ANKRD28: variants seen among roughly 807,000 people sequenced by gnomAD.
ANKRD28 encodes the protein serine/threonine-protein phosphatase 6 regulatory ankyrin repeat subunit A.
Under a neutral mutation model 126.5 loss-of-function variants are expected in ANKRD28, and 44 were observed. The observed-to-expected ratio is 0.35, with a 90% CI of 0.27 to 0.45. The LOEUF (loss-of-function observed/expected upper bound fraction) is 0.45. Ranked by LOEUF, ANKRD28 falls within the 20% of genes least tolerant of loss-of-function variation. The probability of loss-of-function intolerance (pLI) is 1.00; values close to 1 mark genes in which losing one functional copy is unlikely to be tolerated. For missense variants in ANKRD28, 1,110 were observed against 1,316.6 expected (o/e 0.84, Z 2.43); for synonymous variants, 442 against 468.5 (o/e 0.94, Z 0.73).
intron 1 of ANKRD28, among the ~76,000 whole-genome samples, chr3:15,828,097 A>G (rs1325107073): frequency 6.6e-6 from 1 of 152,160 alleles, no homozygotes; most frequent in Non-Finnish European, 1.5e-5. Flanking sequence ...AGTTATTTAG[A>G]GTTAATGTAT....
chr3:15,765,243 A>G (rs2058684598), intron 3 of ANKRD28, among the ~76,000 whole-genome samples: 1 of 152,156 alleles, frequency 6.6e-6, no homozygotes, highest in East Asian at 1.9e-4. Context: ...CCACAATAGG[A>G]GCTATTCTAT....
intron 4 of ANKRD28, among the ~76,000 whole-genome samples, chr3:15,743,580 A>ACACACACACACACACG (rs1553616152): frequency 2.7e-4 from 41 of 150,568 alleles, no homozygotes; most frequent in African/African-American, 9.9e-4. Context: ...ACACACACAC[A>ACACACACACACACACG]CACACACACA....
intron 18 of ANKRD28, among the ~76,000 whole-genome samples, chr3:15,689,662 A>C (rs1006711229): frequency 2.0e-5 from 3 of 152,220 alleles, no homozygotes; most frequent in African/African-American, 4.8e-5. Flanking sequence ...AGTTTCAAAC[A>C]CTAGTTAATA....
intron 1 of ANKRD28, among the ~76,000 whole-genome samples, chr3:15,852,840 A>AG (rs1222938892): frequency 6.6e-6 from 1 of 150,986 alleles, no homozygotes; most frequent in Non-Finnish European, 1.5e-5. Context: ...CTCAAAAAAA[A>AG]AAAAAAAAAA....
chr3:15,778,695 A>G (rs1452215066), intron 2 of ANKRD28, among the ~76,000 whole-genome samples: 1 of 152,156 alleles, frequency 6.6e-6, no homozygotes, highest in Non-Finnish European at 1.5e-5. Flanking sequence ...ACACCCATCT[A>G]GATAATCTCA....
At chr3:15,714,328 A>C (rs577713244) in intron 9 of ANKRD28, among the ~76,000 whole-genome samples, 1 of 152,246 alleles carries the variant, frequency 6.6e-6, no homozygotes, top group South Asian at 2.1e-4. Context: ...TATTGAAAAA[A>C]GCTAATACTA....
In ANKRD28 at chr3:15,838,051, A is replaced by G. The variant is rs2061358819; in HGVS notation, c.27+21326T>C. On this transcript the variant is annotated intron_variant, in intron 1 of 27. Transcript: ENST00000399451. The surrounding 1 kb of genome is among the most constrained non-coding windows in gnomAD (Gnocchi z 4.0). ...ACAACTTAGAAAAAAATAAATTCTA[A>G]GACACAAATTACTGACTCTGAAGAA... Among the ~76,000 whole-genome samples the G allele has an allele frequency of 6.6e-6, 1 of 152,190 alleles. No individual in the cohort carries two copies. The highest frequency in any genetic ancestry group is 6.5e-5 in the Admixed American group (1 of 15,286).
intron 6 of ANKRD28, among the ~76,000 whole-genome samples, chr3:15,727,137 T>C (rs902314110): frequency 6.6e-6 from 1 of 152,210 alleles, no homozygotes; most frequent in African/African-American, 2.4e-5. Flanking sequence ...AGTCACTCTG[T>C]TGTCCCTGAA....
intron 4 of ANKRD28, among the ~76,000 whole-genome samples, chr3:15,745,145 G>C (rs990418078): frequency 6.6e-6 from 1 of 152,042 alleles, no homozygotes; most frequent in Non-Finnish European, 1.5e-5. Flanking sequence ...TCCTTTGTTA[G>C]GTGTATAGAT....
intron 2 of ANKRD28, among the ~76,000 whole-genome samples, chr3:15,776,800 G>A (rs930604280): frequency 1.1e-4 from 16 of 152,120 alleles, no homozygotes; most frequent in Admixed American, 8.5e-4. Context: ...GAAAAAGTTG[G>A]TTATGAAAGT....
chr3:15,676,616 G>A (rs2066964745), intron 26 of ANKRD28: 1 of 180,780 alleles, frequency 5.5e-6, no homozygotes, highest in Non-Finnish European at 1.2e-5. Context: ...TTGGCTTACA[G>A]ACACACATAA....
Position 15,676,684 on chromosome 3 carries a change from A to C in ANKRD28, c.2873+290T>G, listed in dbSNP as rs182645974. The C allele has an allele frequency of 3.2e-5, 8 of 250,618 alleles. No homozygotes were observed. In the Admixed American group the frequency reaches 3.6e-4, roughly 11 times the overall value. The allele number at this position is 250,618 out of a possible 1,614,324, so 15.5% of individuals were successfully genotyped here. On this transcript the variant is annotated intron_variant, in intron 26 of 27. Coordinates refer to ENST00000683139, the MANE Select transcript of ANKRD28 (RefSeq NM_001349278.2). ...TAACATATTATTACAGTTGATTTCC[A>C]CAGAATACACAAAATAGTACTACTT...
At position 15,797,196 on chromosome 3, in the gene ANKRD28, C is replaced by CAA. The variant is rs199629506; in HGVS notation, c.-677_-676dup. ...ATTCTTTCAGTGTTTGGGAAAGGGG[C>CAA]AAAAAACAAAAACAAAAAAAAAAAA... On this transcript the variant is annotated 5_prime_UTR_variant, in exon 1 of 28. The change abolishes the stop of an existing upstream ORF in the 5' untranslated region. Transcript: ENST00000683139. The CAA allele has an allele frequency of 4.1e-5, 25 of 605,116 alleles. No individual in the cohort carries two copies. In the African/African-American group the frequency reaches 6.2e-4, roughly 15 times the overall value. The allele number at this position is 605,116 out of a possible 1,614,324, so 37.5% of individuals were successfully genotyped here.
rs764725685 is a variant in ANKRD28 at position 15,773,135 on chromosome 3, T to TA, written c.202-6824dup. ...TTTATAAAGAAAATCCCAAGGAATC[T>TA]AAAAAAAAAAAAAATTCCTAGACTA... On this transcript the variant is annotated intron_variant, in intron 2 of 27. Coordinates refer to ENST00000683139, the MANE Select transcript of ANKRD28 (RefSeq NM_001349278.2). 3.2e-3 allele frequency among the ~76,000 whole-genome samples: 432 copies of TA among 136,826 alleles called. 1 individual carries two copies. Among genetic ancestry groups the TA allele is most frequent in the African/African-American group, 8.8e-3 (332 of 37,728 alleles). The allele number at this position is 136,826 out of a possible 152,430, so 89.8% of individuals were successfully genotyped here.
At chr3:15,856,386 T>C (rs1394346761) in intron 1 of ANKRD28, among the ~76,000 whole-genome samples, 1 of 152,192 alleles carries the variant, frequency 6.6e-6, no homozygotes, top group African/African-American at 2.4e-5. Flanking sequence ...TAAACAATGA[T>C]CTTCTACCCT....
At chr3:15,802,718 T>C (rs77172313), upstream of ANKRD28, among the ~76,000 whole-genome samples, 121 of 152,290 alleles carry the variant, frequency 7.9e-4, 2 homozygotes, top group East Asian at 0.019. Context: ...ACCACAAATA[T>C]TCTCAATCAT....
chr3:15,858,931 T>C (rs546885385), intron 1 of ANKRD28, among the ~76,000 whole-genome samples: 39 of 152,290 alleles, frequency 2.6e-4, no homozygotes, highest in South Asian at 2.5e-3. Context: ...GAGGAATCAA[T>C]TGCCTTTAAC....
In ANKRD28 at chr3:15,694,802, G is replaced by T; in HGVS notation, c.1698C>A (p.Thr566=). The change falls in exon 17 of 28, where the codon ACC becomes ACA. Residue 566 remains threonine, a synonymous_variant. Transcript: ENST00000683139. ...SETPLDVLME[T]SGTDMLSDSD... The stretch of plus-strand genomic sequence containing the variant: ...AATCACTCAGCATGTCTGTTCCTGA[G>T]GTTTCCATTAACTGAAAAAGAAGAG... 2.5e-6 allele frequency: 4 copies of T among 1,613,290 alleles called. No homozygotes were observed. The highest frequency in any genetic ancestry group is 3.4e-6 in the Non-Finnish European group (4 of 1,179,394).
At chr3:15,842,219 C>T (rs903568485) in intron 1 of ANKRD28, among the ~76,000 whole-genome samples, 6 of 151,898 alleles carry the variant, frequency 4.0e-5, no homozygotes, top group Admixed American at 3.9e-4. Context: ...ACATACTGTT[C>T]AGCTATAAAA....
Sources: gnomAD v4.1 joint callset for allele counts (sites outside exome capture counted in the v4.1 genomes callset) on GRCh38, gnomAD v4.1.1 for gene constraint, Gnocchi (gnomAD v3.1) non-coding constraint, MANE v1.5 for transcripts, NCBI Gene and HGNC (gene_info 2026-07-23, HGNC 2026-07-21) for gene names.